The following MTUS2 variants were observed in gnomAD, a reference collection of about 807,000 sequenced individuals.
MTUS2 encodes the protein microtubule-associated tumor suppressor candidate 2.
Under a neutral mutation model 114.1 loss-of-function variants are expected in MTUS2, and 40 were observed. That is an observed-to-expected ratio of 0.35 (90% CI 0.27 to 0.46). The LOEUF (loss-of-function observed/expected upper bound fraction) is 0.46, where lower values mean the gene tolerates loss of function less well. MTUS2 is among the 20% of genes least tolerant of loss of function. The pLI, the probability that MTUS2 is intolerant of heterozygous loss-of-function variation, is 1.00. For synonymous variants in MTUS2, 688 were observed against 672.0 expected, an observed-to-expected ratio of 1.02 and a Z score of -0.37; for missense variants, 1,679 against 1,705.4, an observed-to-expected ratio of 0.98 and a Z score of 0.27.
At chr13:29,174,438 C>G (rs1893687221) in intron 5 of MTUS2, among the ~76,000 whole-genome samples, 1 of 152,108 alleles carries the variant, frequency 6.6e-6, no homozygotes, top group South Asian at 2.1e-4. Context: ...AGCTTGCATG[C>G]TCTATTCATT....
chr13:29,390,258 A>G (rs9314955), intron 8 of MTUS2, among the ~76,000 whole-genome samples: 145,531 of 151,668 alleles, frequency 0.96, 70,128 homozygotes, highest in East Asian at 1. Flanking sequence ...CAAATTATTT[A>G]TAGGATCAGG....
At chr13:29,203,277 C>T (rs550432195) in intron 5 of MTUS2, among the ~76,000 whole-genome samples, 1 of 152,306 alleles carries the variant, frequency 6.6e-6, no homozygotes, top group East Asian at 1.9e-4. Context: ...GGGCTCCGCC[C>T]AGTTTGAACT....
intron 4 of MTUS2, among the ~76,000 whole-genome samples, chr13:29,054,947 A>C (rs933021122): frequency 4.6e-5 from 7 of 152,148 alleles, no homozygotes; most frequent in African/African-American, 1.7e-4. Context: ...CGCTTTGTTT[A>C]ATATGAATCT....
chr13:29,472,181 A>G (rs1329621188), intron 9 of MTUS2, among the ~76,000 whole-genome samples: 1 of 151,830 alleles, frequency 6.6e-6, no homozygotes, highest in East Asian at 1.9e-4. Context: ...CGTGCCACCA[A>G]GCCTGGTTAA....
chr13:29,015,674 T>C (rs998970242), intron 2 of MTUS2, among the ~76,000 whole-genome samples: 1 of 152,170 alleles, frequency 6.6e-6, no homozygotes, highest in Non-Finnish European at 1.5e-5. Context: ...AGACAAAAAC[T>C]GAAGACAACC....
intron 2 of MTUS2, among the ~76,000 whole-genome samples, chr13:28,941,831 A>G (rs1429976595): frequency 1.3e-5 from 2 of 152,206 alleles, no homozygotes; most frequent in Non-Finnish European, 2.9e-5. Context: ...TCATTGGGCT[A>G]TCTTGCACTT....
intron 10 of MTUS2, among the ~76,000 whole-genome samples, chr13:29,483,489 C>T (rs1294996976): frequency 6.6e-6 from 1 of 152,196 alleles, no homozygotes; most frequent in Non-Finnish European, 1.5e-5. Context: ...CGCTTCTCAG[C>T]CTGCCCTGAC....
At chr13:28,931,742 A>T (rs1030370240) in intron 2 of MTUS2, among the ~76,000 whole-genome samples, 2 of 152,110 alleles carry the variant, frequency 1.3e-5, no homozygotes, top group African/African-American at 4.8e-5. Flanking sequence ...GGTTTGTTAC[A>T]TATGTATACA....
At chr13:29,380,884 C>G (rs1387435888) in intron 8 of MTUS2, among the ~76,000 whole-genome samples, 1 of 16,580 alleles carries the variant, frequency 6.0e-5, no homozygotes, top group African/African-American at 8.2e-5. Context: ...CCACTGCAGT[C>G]CGCAGTCTGG....
chr13:29,505,228 A>G lies in MTUS2; in HGVS notation c.*2022A>G. ...AATTCAGTTACAGCTTAGCTGTCCG[A>G]ATTAGGAACCGCTTACATAGCCGCA... is the stretch of plus-strand genomic sequence containing the variant. On this transcript the variant is annotated 3_prime_UTR_variant, in exon 16 of 16. Coordinates refer to ENST00000612955, the MANE Select transcript of MTUS2 (RefSeq NM_001033602.4). 1 of 232,156 alleles carries G rather than the reference A, an allele frequency of 4.3e-6. No individual in the cohort carries two copies. The highest frequency in any genetic ancestry group is 6.1e-5 in the East Asian group (1 of 16,350). 14.4% of individuals were successfully genotyped at this position (232,156 alleles called of 1,614,324 possible). A position where few individuals can be genotyped will look rare whatever the true frequency, so the allele number is the denominator to read the frequency against.
chr13:29,400,427 T>C (rs898446155), intron 8 of MTUS2, among the ~76,000 whole-genome samples: 19 of 152,178 alleles, frequency 1.2e-4, no homozygotes, highest in African/African-American at 3.6e-4. Context: ...CTTAAGAGCA[T>C]CTCTAAGCAG....
At chr13:29,471,209 G>GGC (rs985826604) in intron 9 of MTUS2, among the ~76,000 whole-genome samples, 4 of 152,016 alleles carry the variant, frequency 2.6e-5, no homozygotes, top group African/African-American at 9.7e-5. Flanking sequence ...TGGGCTTGGT[G>GGC]GCGCGTGCCT....
At chr13:29,131,827 C>T (rs577878285) in intron 5 of MTUS2, among the ~76,000 whole-genome samples, 1 of 152,344 alleles carries the variant, frequency 6.6e-6, no homozygotes, top group African/African-American at 2.4e-5. Flanking sequence ...AGTTTGTTCC[C>T]AGTATCAAAT....
At chr13:28,900,605 G>C (rs999919663) in intron 2 of MTUS2, among the ~76,000 whole-genome samples, 2 of 152,136 alleles carry the variant, frequency 1.3e-5, no homozygotes, top group African/African-American at 2.4e-5. Context: ...CCAAGTTGTT[G>C]TATCAATAGT....
At chr13:29,462,883 C>T (rs946657818) in intron 9 of MTUS2, among the ~76,000 whole-genome samples, 3 of 152,100 alleles carry the variant, frequency 2.0e-5, no homozygotes, top group Admixed American at 6.5e-5. Context: ...CCAGGCTGAA[C>T]GACATCCCCG....
chr13:29,060,302 G>A (rs1888350766), intron 4 of MTUS2, among the ~76,000 whole-genome samples: 1 of 152,148 alleles, frequency 6.6e-6, no homozygotes, highest in Admixed American at 6.5e-5. Flanking sequence ...GCATAGGGGT[G>A]GGGCGGGGTG....
rs12864490 is a variant in MTUS2 at position 29,389,323 on chromosome 13, A to G, written c.3117+29850A>G. 8.1e-3 allele frequency among the ~76,000 whole-genome samples: 502 copies of G among 62,056 alleles called. 44 individuals carry two copies. The highest frequency in any genetic ancestry group is 9.6e-3 in the African/African-American group (202 of 20,958). 40.7% of individuals were successfully genotyped at this position (62,056 alleles called of 152,430 possible). A position where few individuals can be genotyped will look rare whatever the true frequency, so the allele number is the denominator to read the frequency against. ...TATATGTGTATATATGTATACACAT[A>G]TGTGTGTATATATGTATGCACGTGT... On this transcript the variant is annotated intron_variant, in intron 8 of 15. Transcript: ENST00000612955.
chr13:29,123,171 A>G (rs1344998748), intron 5 of MTUS2, among the ~76,000 whole-genome samples: 1 of 152,052 alleles, frequency 6.6e-6, no homozygotes, highest in Non-Finnish European at 1.5e-5. Flanking sequence ...TACAATCAGC[A>G]CTTGTTTTAG....
intron 5 of MTUS2, among the ~76,000 whole-genome samples, chr13:29,247,242 C>T (rs1189328052): frequency 6.6e-6 from 1 of 152,138 alleles, no homozygotes; most frequent in Non-Finnish European, 1.5e-5. Flanking sequence ...ATTCTCATCT[C>T]TTACCTTATA....
Sources: gnomAD v4.1 joint callset for allele counts (sites outside exome capture counted in the v4.1 genomes callset) on GRCh38, gnomAD v4.1.1 for gene constraint, MANE v1.5 for transcripts, NCBI Gene and HGNC (gene_info 2026-07-23, HGNC 2026-07-21) for gene names.